Variants in SRSF11 observed in about 807,000 individuals in gnomAD.
The protein encoded by SRSF11 is serine/arginine-rich splicing factor 11.
In SRSF11, 9 loss-of-function variants were observed where a neutral mutation model predicts 56.0. That is an observed-to-expected ratio of 0.16 (90% confidence interval 0.10 to 0.28). The LOEUF (loss-of-function observed/expected upper bound fraction) is 0.28. Among genes scored for constraint, SRSF11 ranks in the 10% least tolerant of loss-of-function variants. SRSF11 has a pLI of 1.00. For synonymous variants in SRSF11, 222 were observed against 215.3 expected, an observed-to-expected ratio of 1.03 and a Z score of -0.27; for missense variants, 421 against 600.7, an observed-to-expected ratio of 0.70 and a Z score of 3.13.
intron 5 of SRSF11, among the ~76,000 whole-genome samples, chr1:70,235,789 A>G (rs553352857): frequency 6.6e-6 from 1 of 152,246 alleles, no homozygotes; most frequent in Non-Finnish European, 1.5e-5. Flanking sequence ...CCTGGATGAT[A>G]GCAAAAGAGC....
At chr1:70,228,930 T>C (rs1672372370) in intron 2 of SRSF11, 2 of 984,644 alleles carry the variant, frequency 2.0e-6, no homozygotes, top group Admixed American at 6.2e-5. Flanking sequence ...TGCATGATGT[T>C]ATTTCTGTTT....
At chr1:70,227,754 T>C (rs1024133953) in intron 1 of SRSF11, among the ~76,000 whole-genome samples, 3 of 152,212 alleles carry the variant, frequency 2.0e-5, no homozygotes, top group African/African-American at 7.2e-5. Context: ...AAGTAATTTG[T>C]TGAGGGAACT....
chr1:70,246,721 G>T, intron 8 of SRSF11, 97 bp from the exon 9 acceptor site: 1 of 608,118 alleles, frequency 1.6e-6, no homozygotes, highest in East Asian at 3.0e-5. Flanking sequence ...TTTTAAGGAT[G>T]GGATTAGATC....
chr1:70,209,733 C>T (rs1414969318), intron 1 of SRSF11, among the ~76,000 whole-genome samples: 2 of 133,384 alleles, frequency 1.5e-5, no homozygotes, highest in African/African-American at 5.8e-5. Flanking sequence ...CTAAAAGCAC[C>T]TCGCTTCTTT....
At chr1:70,239,881 A>C (rs2100869614) in intron 7 of SRSF11, among the ~76,000 whole-genome samples, 1 of 152,338 alleles carries the variant, frequency 6.6e-6, no homozygotes, top group Non-Finnish European at 1.5e-5. Flanking sequence ...AGATCAGTAA[A>C]ATGCAAGTAC....
intron 1 of SRSF11, among the ~76,000 whole-genome samples, chr1:70,210,796 T>G (rs146269813): frequency 5.8e-4 from 89 of 152,204 alleles, no homozygotes; most frequent in African/African-American, 2.1e-3. Flanking sequence ...TAGGAAAAAT[T>G]TTTTTCCCTC....
intron 1 of SRSF11, among the ~76,000 whole-genome samples, chr1:70,206,644 C>T (rs146518531): frequency 1.3e-5 from 2 of 152,160 alleles, no homozygotes; most frequent in African/African-American, 2.4e-5. Flanking sequence ...CCAGGGAATA[C>T]CATTCTAACC....
chr1:70,233,798 A>G (rs1416586038), intron 3 of SRSF11, among the ~76,000 whole-genome samples: 2 of 152,194 alleles, frequency 1.3e-5, no homozygotes, highest in Non-Finnish European at 2.9e-5. Flanking sequence ...TGTCTATTAC[A>G]TTATGGATTA....
intron 2 of SRSF11, chr1:70,228,970 C>G (rs1255163043): frequency 1.0e-6 from 1 of 982,480 alleles, no homozygotes; most frequent in East Asian, 1.1e-4. Context: ...ATTTTATTTT[C>G]TTAAAGCTTC....
chr1:70,226,189 CT>C lies in SRSF11; in HGVS notation c.204-2232del, dbSNP rs780640476. On this transcript the variant is annotated intron_variant, in intron 1 of 11. Coordinates refer to ENST00000370949, the MANE Select transcript of SRSF11 (RefSeq NM_001350605.2). ...CTGAGCAACAAGAGTGAAACTCCATCTCAAAAAAAAAAAAATTTTAATCGAA... is the reference window on the plus strand; with the variant it reads ...CTGAGCAACAAGAGTGAAACTCCATCCAAAAAAAAAAAAATTTTAATCGAA... Among the ~76,000 whole-genome samples the C allele has an allele frequency of 1.9e-3, 283 of 150,078 alleles. 2 individuals are homozygous for C. Among genetic ancestry groups the C allele is most frequent in the South Asian group, 4.8e-3 (23 of 4,778 alleles).
rs934744091 is a variant in SRSF11 at position 70,211,152 on chromosome 1, T to G, written c.-26+5372T>G. ...TGACTTAAAGTCTCAGATTTTGTAT[T>G]AATTGTATGGATTTTATGATTTTTT... is the stretch of plus-strand genomic sequence containing the variant. On this transcript the variant is annotated intron_variant, in intron 1 of 12. Coordinates refer to the SRSF11 transcript ENST00000370950. 2.0e-5 allele frequency among the ~76,000 whole-genome samples: 3 copies of G among 151,950 alleles called. No individual in the cohort carries two copies. In the South Asian group the frequency reaches 6.3e-4, roughly 32 times the overall value.
At chr1:70,244,619 T>G (rs1161992519) in intron 7 of SRSF11, 65 bp from the exon 8 acceptor site, 63 of 1,550,242 alleles carry the variant, frequency 4.1e-5, no homozygotes, top group Non-Finnish European at 5.4e-5. Flanking sequence ...TGTCTGATAC[T>G]AAGCACAAAA....
At chr1:70,235,424 T>C (rs1488634551) in intron 4 of SRSF11, 77 bp from the exon 5 acceptor site, 9 of 1,230,630 alleles carry the variant, frequency 7.3e-6, no homozygotes, top group Non-Finnish European at 1.0e-5. Context: ...ATTTCTGTTG[T>C]TCAGTTTTCT....
intron 1 of SRSF11, among the ~76,000 whole-genome samples, chr1:70,224,656 T>C (rs1187400305): frequency 2.0e-5 from 3 of 152,176 alleles, no homozygotes; most frequent in Non-Finnish European, 4.4e-5. Flanking sequence ...TTGTCATTGT[T>C]AAGTCCATCT....
chr1:70,228,295 TTAAC>T, intron 1 of SRSF11, 123 bp from the exon 2 acceptor site: 1 of 623,962 alleles, frequency 1.6e-6, no homozygotes, highest in Non-Finnish European at 2.7e-6. Context: ...TCTTTTGAAT[TTAAC>T]TACATTAGTA....
At chr1:70,247,533 G>C (rs528192888) in intron 9 of SRSF11, among the ~76,000 whole-genome samples, 1 of 151,944 alleles carries the variant, frequency 6.6e-6, no homozygotes, top group South Asian at 2.1e-4. Context: ...CTAGGAGAAG[G>C]TTCATGCCAT....
chr1:70,212,347 C>A (rs1669634151), intron 1 of SRSF11, among the ~76,000 whole-genome samples: 1 of 152,120 alleles, frequency 6.6e-6, no homozygotes, highest in Admixed American at 6.5e-5. Context: ...ACCTCCACCT[C>A]CTGGGTTCAA....
At chr1:70,229,275 G>A in intron 2 of SRSF11, 1 of 1,289,002 alleles carries the variant, frequency 7.8e-7, no homozygotes, top group Non-Finnish European at 1.0e-6. Flanking sequence ...CAGCTACAGG[G>A]GATTCTAGAC....
chr1:70,205,801 T>G, intron 1 of SRSF11: 1 of 396,300 alleles, frequency 2.5e-6, no homozygotes, highest in Admixed American at 3.9e-5. Context: ...TTAACGGGCT[T>G]AAGAGGGGCT....
Sources: allele counts gnomAD v4.1 joint callset (sites outside exome capture counted in the v4.1 genomes callset), GRCh38; gene constraint gnomAD v4.1.1; transcripts MANE v1.5; gene names NCBI Gene and HGNC (gene_info 2026-07-23, HGNC 2026-07-21).